GPR157: variants seen among roughly 807,000 people sequenced by gnomAD.
GPR157 encodes G protein-coupled receptor 157.
GPR157 carries 16 observed loss-of-function variants against 23.5 expected under a neutral mutation model. The observed-to-expected ratio is 0.68, with a 90% CI of 0.46 to 1.04. GPR157 has a LOEUF of 1.04. GPR157 is among the 50% of genes least tolerant of loss of function. GPR157 has a pLI of 0.00. For missense variants in GPR157, 440 were observed against 460.7 expected (o/e 0.96, Z 0.41); for synonymous variants, 200 against 221.5 (o/e 0.90, Z 0.86).
rs1288857505 is a variant in GPR157 at position 9,118,882 on chromosome 1, TA to T, written c.384-7394del. 1.3e-5 allele frequency among the ~76,000 whole-genome samples: 2 copies of T among 151,844 alleles called. No individual in the cohort carries two copies. The highest frequency in any genetic ancestry group is 6.6e-5 in the Admixed American group (1 of 15,240). ...GACCCTGTCTCTACAAAAAAATACA[TA>T]AATTAGCCAGGCGTGGTGGCACACA... On this transcript the variant is annotated intron_variant, in intron 1 of 3. Transcript: ENST00000377411. This position sits in a 1 kb window ranked among gnomAD's most constrained non-coding sequence, Gnocchi z 4.6.
At position 9,111,717 on chromosome 1, in the gene GPR157, AG is replaced by A. The variant is rs1638501774; in HGVS notation, c.384-229del. Among the ~76,000 whole-genome samples the A allele has an allele frequency of 2.6e-5, 4 of 152,332 alleles. No homozygotes were observed. In the South Asian group the frequency reaches 8.3e-4, roughly 32 times the overall value. Reference sequence around the variant, plus strand: ...TAGAATGGAGTGACGTGGGACAGCCAGCTCCCAGCGTGTGCCCAGCTCCTTT... The same window carrying A: ...TAGAATGGAGTGACGTGGGACAGCCACTCCCAGCGTGTGCCCAGCTCCTTT... On this transcript the variant is annotated intron_variant, in intron 1 of 3. Transcript: ENST00000377411.
Position 9,128,968 on chromosome 1 carries a change from C to G in GPR157, c.60G>C (p.Leu20=). The change falls in exon 1 of 4, where the codon CTG becomes CTC. Residue 20 remains leucine (L), a synonymous_variant. Coordinates refer to ENST00000377411, the MANE Select transcript of GPR157 (RefSeq NM_024980.5). This position sits in a 1 kb window ranked among gnomAD's most constrained non-coding sequence, Gnocchi z 6.3. ...LVPSERAVVL[L]SCALSALGSG... ...AGCCGAGCGCGGAGAGTGCGCACGACAGCAGCACCACGGCGCGCTCCGACG... is the reference window on the plus strand; with the variant it reads ...AGCCGAGCGCGGAGAGTGCGCACGAGAGCAGCACCACGGCGCGCTCCGACG... 7.0e-7 allele frequency: 1 copy of G among 1,423,774 alleles called. No homozygotes were observed. Among genetic ancestry groups the G allele is most frequent in the Non-Finnish European group, 9.2e-7 (1 of 1,092,288 alleles). 88.2% of individuals were successfully genotyped at this position (1,423,774 alleles called of 1,614,324 possible).
intron 1 of GPR157, among the ~76,000 whole-genome samples, chr1:9,121,770 G>T (rs1638802723): frequency 1.3e-5 from 2 of 152,160 alleles, no homozygotes; most frequent in South Asian, 4.1e-4. Context: ...AACATGGGGG[G>T]TCACAGACTC....
chr1:9,105,903 G>C lies in GPR157; in HGVS notation c.598-223C>G, dbSNP rs1469118098. On this transcript the variant is annotated intron_variant, in intron 2 of 3. Coordinates refer to ENST00000377411, the MANE Select transcript of GPR157 (RefSeq NM_024980.5). This position sits in a 1 kb window ranked among gnomAD's most constrained non-coding sequence, Gnocchi z 4.8. ...GTCATCTGAAACAGCTCACATCCAAGACAGAAGATGGATCTTGACCCCTGA... is the reference window on the plus strand; with the variant it reads ...GTCATCTGAAACAGCTCACATCCAACACAGAAGATGGATCTTGACCCCTGA... 6.6e-6 allele frequency among the ~76,000 whole-genome samples: 1 copy of C among 152,080 alleles called. No homozygotes were observed. The highest frequency in any genetic ancestry group is 2.4e-5 in the African/African-American group (1 of 41,402).
At chr1:9,115,615 C>T (rs1638618572) in intron 1 of GPR157, among the ~76,000 whole-genome samples, 2 of 152,010 alleles carry the variant, frequency 1.3e-5, no homozygotes, top group Non-Finnish European at 2.9e-5. Context: ...AGACTGTTTC[C>T]TCAATTTGTT....
chr1:9,115,853 A>G (rs550773512), intron 1 of GPR157, among the ~76,000 whole-genome samples: 1 of 149,960 alleles, frequency 6.7e-6, no homozygotes, highest in South Asian at 2.1e-4. Context: ...TTTTTTAGAT[A>G]AAGTTTTATT....
chr1:9,108,477 C>G (rs1477566402), intron 2 of GPR157, among the ~76,000 whole-genome samples: 1 of 152,200 alleles, frequency 6.6e-6, no homozygotes, highest in Non-Finnish European at 1.5e-5. Context: ...ACACAAAGGG[C>G]ATCTGTAGAG....
intron 1 of GPR157, among the ~76,000 whole-genome samples, chr1:9,127,926 C>T (rs949555457): frequency 7.2e-5 from 11 of 152,170 alleles, no homozygotes; most frequent in African/African-American, 2.7e-4. Context: ...GCGAGGCTTA[C>T]TTGAAAGACG....
chr1:9,117,650 T>G (rs1422112413), intron 1 of GPR157, among the ~76,000 whole-genome samples: 1 of 152,074 alleles, frequency 6.6e-6, no homozygotes, highest in East Asian at 1.9e-4. Flanking sequence ...TAATCCCAGC[T>G]ACTGGGGAGG....
At chr1:9,121,949 A>G (rs1182982239) in intron 1 of GPR157, among the ~76,000 whole-genome samples, 1 of 152,114 alleles carries the variant, frequency 6.6e-6, no homozygotes, top group Non-Finnish European at 1.5e-5. Flanking sequence ...TCTGACCCCC[A>G]AATGAGCTGT....
intron 1 of GPR157, among the ~76,000 whole-genome samples, chr1:9,124,558 A>G (rs1271396053): frequency 1.3e-5 from 2 of 152,154 alleles, no homozygotes; most frequent in Non-Finnish European, 2.9e-5. Context: ...GCCTGTCCAT[A>G]TGGACAACAT....
intron 1 of GPR157, among the ~76,000 whole-genome samples, chr1:9,123,308 A>AAT (rs1436177361): frequency 1.9e-5 from 1 of 53,706 alleles, no homozygotes; most frequent in Non-Finnish European, 3.3e-5. Context: ...ATTTAATTTA[A>AAT]ATATATATTA....
intron 2 of GPR157, chr1:9,111,022 C>T (rs1475668091): frequency 3.7e-6 from 2 of 545,320 alleles, no homozygotes; most frequent in African/African-American, 3.8e-5. Context: ...TCGGCTAAGC[C>T]TCGTTTCCTT....
At chr1:9,116,874 G>C (rs1239624512) in intron 1 of GPR157, among the ~76,000 whole-genome samples, 1 of 151,994 alleles carries the variant, frequency 6.6e-6, no homozygotes, top group Non-Finnish European at 1.5e-5. Flanking sequence ...CCTGAGTAGG[G>C]GGTACTACAG....
At chr1:9,109,042 CTG>C (rs576995517) in intron 2 of GPR157, among the ~76,000 whole-genome samples, 116 of 150,964 alleles carry the variant, frequency 7.7e-4, no homozygotes, top group African/African-American at 2.6e-3. Flanking sequence ...TCCCAAAGTT[CTG>C]GGATTACAGG....
intron 1 of GPR157, among the ~76,000 whole-genome samples, chr1:9,119,312 C>A (rs748787836): frequency 1.2e-4 from 18 of 152,110 alleles, no homozygotes; most frequent in African/African-American, 3.9e-4. Flanking sequence ...GGATTACAGA[C>A]GTGAACCACA....
rs1166816055 is a variant in GPR157 at position 9,128,759 on chromosome 1, T to C, written c.269A>G (p.Asn90Ser). 2 of 1,612,718 alleles carry C rather than the reference T, an allele frequency of 1.2e-6. No homozygotes were observed. Among genetic ancestry groups the C allele is most frequent in the Admixed American group, 1.7e-5 (1 of 59,978 alleles). ...VLQGALSTFANTSSFFWTVAI... is the reference protein window; with the variant it reads ...VLQGALSTFASTSSFFWTVAI... The stretch of plus-strand genomic sequence containing the variant: ...CACGGTCCAGAAGAAGGAGCTGGTG[T>C]TGGCGAAGGTGGACAGCGCGCCCTG... Residue 90 changes from asparagine to serine, a missense_variant, in exon 1 of 4, where the codon AAC becomes AGC. Physicochemically the swap from Asn to Ser is conservative, Grantham distance 46 (BLOSUM62 1). Coordinates refer to ENST00000377411, the MANE Select transcript of GPR157 (RefSeq NM_024980.5). This position sits in a 1 kb window ranked among gnomAD's most constrained non-coding sequence, Gnocchi z 6.3.
intron 1 of GPR157, 82 bp from the exon 2 acceptor site, chr1:9,111,571 C>CAGCAATGCTCTCGGTTTCCCT: frequency 8.8e-7 from 1 of 1,137,122 alleles, no homozygotes; most frequent in Non-Finnish European, 1.3e-6. Context: ...TGACGGAGGA[C>CAGCAATGCTCTCGGTTTCCCT]GCCCTTCAGA....
chr1:9,123,172 A>AAATATATATATATATATATAAATAAAAT (rs1638837925), intron 1 of GPR157, among the ~76,000 whole-genome samples: 1 of 125,506 alleles, frequency 8.0e-6, no homozygotes, highest in Non-Finnish European at 1.6e-5. Context: ...GGAAAAAAAA[A>AAATATATATATATATATATAAATAAAAT]AAATATATAT....
Sources: gnomAD v4.1 joint callset for allele counts (sites outside exome capture counted in the v4.1 genomes callset) on GRCh38, gnomAD v4.1.1 for gene constraint, Gnocchi (gnomAD v3.1) non-coding constraint, MANE v1.5 for transcripts, NCBI Gene and HGNC (gene_info 2026-07-23, HGNC 2026-07-21) for gene names.